CDH7: variants seen among roughly 807,000 people sequenced by gnomAD.
CDH7 encodes the protein cadherin-7.
CDH7 carries 25 observed loss-of-function variants against 71.8 expected under a neutral mutation model. The ratio of observed to expected loss-of-function variants is 0.35; its 90% confidence interval spans 0.25 to 0.49. The LOEUF (loss-of-function observed/expected upper bound fraction) is 0.49. CDH7 is among the 20% of genes least tolerant of loss of function. The pLI is 0.99. For synonymous variants in CDH7, 381 were observed against 363.8 expected, an observed-to-expected ratio of 1.05 and a Z score of -0.54; for missense variants, 862 against 974.6, an observed-to-expected ratio of 0.88 and a Z score of 1.54.
At chr18:65,819,900 G>A (rs372202975) in intron 4 of CDH7, among the ~76,000 whole-genome samples, 4 of 150,664 alleles carry the variant, frequency 2.7e-5, no homozygotes, top group African/African-American at 7.3e-5. Flanking sequence ...AGGGTAATTC[G>A]AAGCCTGAAT....
chr18:65,804,543 A>G (rs545207915), intron 2 of CDH7, among the ~76,000 whole-genome samples: 1 of 152,244 alleles, frequency 6.6e-6, no homozygotes, highest in South Asian at 2.1e-4. Context: ...GGTTATATAG[A>G]TGTAAAAAGA....
rs566210376 is a variant in CDH7 at position 65,885,372 on chromosome 18, G to GTTTTTTTTTTTTTTTTTTTTTTTTTTTT, written c.*4501_*4502insTTTTTTTTTTTTTTTTTTTTTTTTTTTT. 2.3e-4 allele frequency: 16 copies of GTTTTTTTTTTTTTTTTTTTTTTTTTTTT among 69,446 alleles called. 5 individuals are homozygous for GTTTTTTTTTTTTTTTTTTTTTTTTTTTT. Among genetic ancestry groups the GTTTTTTTTTTTTTTTTTTTTTTTTTTTT allele is most frequent in the Non-Finnish European group, 3.2e-4 (12 of 37,386 alleles). 4.3% of individuals were successfully genotyped at this position (69,446 alleles called of 1,614,324 possible). A position where few individuals can be genotyped will look rare whatever the true frequency, so the allele number is the denominator to read the frequency against. The stretch of plus-strand genomic sequence containing the variant: ...GTAACTGAAAAGGATGTGTGCCTGT[G>GTTTTTTTTTTTTTTTTTTTTTTTTTTTT]TTTTTTTTTTTTTTTTTTTTTTTGA... On this transcript the variant is annotated 3_prime_UTR_variant, in exon 12 of 12. Coordinates refer to ENST00000397968, the MANE Select transcript of CDH7 (RefSeq NM_004361.5).
intron 11 of CDH7, among the ~76,000 whole-genome samples, chr18:65,867,091 A>G (rs1317619229): frequency 2.1e-5 from 3 of 145,396 alleles, no homozygotes; most frequent in African/African-American, 7.7e-5. Flanking sequence ...GCTGGAGTGC[A>G]GTGGTGCAAT....
chr18:65,779,514 TCA>T (rs1481100267), intron 2 of CDH7, among the ~76,000 whole-genome samples: 3 of 68,608 alleles, frequency 4.4e-5, no homozygotes, highest in Non-Finnish European at 8.3e-5. Flanking sequence ...CCATGTGATC[TCA>T]TTGTTCAATT....
intron 7 of CDH7, among the ~76,000 whole-genome samples, chr18:65,847,713 G>A (rs1912980855): frequency 6.6e-6 from 1 of 151,992 alleles, no homozygotes; most frequent in African/African-American, 2.4e-5. Flanking sequence ...TACAAGTGTA[G>A]TCATCATAGA....
intron 11 of CDH7, among the ~76,000 whole-genome samples, chr18:65,868,133 G>A (rs1161967438): frequency 1.3e-5 from 2 of 152,270 alleles, no homozygotes; most frequent in Admixed American, 1.3e-4. Flanking sequence ...GAACATAATT[G>A]GCATAGCAGC....
intron 2 of CDH7, among the ~76,000 whole-genome samples, chr18:65,764,097 A>G (rs956191445): frequency 6.6e-6 from 1 of 152,090 alleles, no homozygotes; most frequent in Admixed American, 6.6e-5. Context: ...GAATTTATCT[A>G]TAAATCAGTT....
intron 11 of CDH7, among the ~76,000 whole-genome samples, chr18:65,869,763 A>G (rs1441511735): frequency 6.6e-6 from 1 of 152,046 alleles, no homozygotes; most frequent in Non-Finnish European, 1.5e-5. Context: ...TTTTGTCATT[A>G]TTTATATCAG....
chr18:65,793,900 T>C (rs1385145840), intron 2 of CDH7, among the ~76,000 whole-genome samples: 1 of 152,166 alleles, frequency 6.6e-6, no homozygotes, highest in Non-Finnish European at 1.5e-5. Context: ...TTATTTTAGA[T>C]GAGTGCAGAA....
chr18:65,794,078 C>T (rs1263765578), intron 2 of CDH7, among the ~76,000 whole-genome samples: 1 of 152,036 alleles, frequency 6.6e-6, no homozygotes, highest in African/African-American at 2.4e-5. Flanking sequence ...ATAGCACATA[C>T]TATCAATTAT....
At position 65,770,767 on chromosome 18, in the gene CDH7, T is replaced by C. The variant is rs190110198; in HGVS notation, c.210+7715T>C. Among the ~76,000 whole-genome samples, 77 of 152,334 alleles carry C rather than the reference T, an allele frequency of 5.1e-4. No homozygotes were observed. In the East Asian group the frequency reaches 9.6e-3, roughly 19 times the overall value. On this transcript the variant is annotated intron_variant, in intron 2 of 11. Coordinates refer to ENST00000397968, the MANE Select transcript of CDH7 (RefSeq NM_004361.5). ...ATCAGAAGTCTACATTGAATAATTA[T>C]CATTTTTTCAAATCTTAAAATTTTA...
chr18:65,768,584 T>G (rs1916449223), intron 2 of CDH7, among the ~76,000 whole-genome samples: 1 of 152,088 alleles, frequency 6.6e-6, no homozygotes, highest in Admixed American at 6.6e-5. Flanking sequence ...GATGATTGAG[T>G]TTTTTTCTCT....
At chr18:65,823,669 C>T (rs1912020172) in intron 5 of CDH7, among the ~76,000 whole-genome samples, 1 of 151,868 alleles carries the variant, frequency 6.6e-6, no homozygotes, top group African/African-American at 2.4e-5. Context: ...AGTAACTATT[C>T]ACAAAGTCTA....
At chr18:65,816,259 G>A (rs987756557) in intron 4 of CDH7, among the ~76,000 whole-genome samples, 2 of 152,014 alleles carry the variant, frequency 1.3e-5, no homozygotes, top group African/African-American at 4.8e-5. Flanking sequence ...TGAATGCAGA[G>A]ACATTCTGAG....
chr18:65,862,929 T>TTCCAGGGCTTGCTCTGAAAGAGCTG lies in CDH7; in HGVS notation c.1864+15_1864+39dup. The TTCCAGGGCTTGCTCTGAAAGAGCTG allele has an allele frequency of 2.5e-6, 4 of 1,611,428 alleles. No individual in the cohort carries two copies. Among genetic ancestry groups the TTCCAGGGCTTGCTCTGAAAGAGCTG allele is most frequent in the Non-Finnish European group, 3.4e-6 (4 of 1,178,250 alleles). On this transcript the variant is annotated intron_variant, in intron 11 of 11. Transcript: ENST00000397968. ...CTTGACATTATTGGGTAGGTACTGT[T>TTCCAGGGCTTGCTCTGAAAGAGCTG]TCCAGGGCTTGCTCTGAAAGAGCTG...
chr18:65,808,223 A>T (rs942122215), intron 2 of CDH7, among the ~76,000 whole-genome samples: 29 of 152,190 alleles, frequency 1.9e-4, no homozygotes, highest in African/African-American at 5.1e-4. Flanking sequence ...TTTTGTTTTT[A>T]AAAAAAGAAT....
At chr18:65,830,538 CTCCCTTCCTTCCTTCT>C (rs2143957814) in intron 6 of CDH7, among the ~76,000 whole-genome samples, 1 of 149,322 alleles carries the variant, frequency 6.7e-6, no homozygotes, top group South Asian at 2.1e-4. Flanking sequence ...TCCTTTCTTC[CTCCCTTCCTTCCTTCT>C]TTCCTTCCTC....
Position 65,858,973 on chromosome 18 carries a change from A to T in CDH7, c.1421A>T (p.Asp474Val). The change falls in exon 9 of 12, where the codon GAC becomes GTC. Residue 474 changes from aspartate to valine, a missense_variant. Physicochemically the swap from Asp to Val is radical, Grantham distance 152. Coordinates refer to ENST00000397968, the MANE Select transcript of CDH7 (RefSeq NM_004361.5). ...GGCTATGTGGCCATCACTATACTTG[A>T]CATCAATGATAACGCCCCTGAATTT... ...GRGYVAITIL[D>V]INDNAPEFAM... The T allele has an allele frequency of 6.2e-7, 1 of 1,612,464 alleles. No individual in the cohort carries two copies. Among genetic ancestry groups the T allele is most frequent in the Non-Finnish European group, 8.5e-7 (1 of 1,178,554 alleles).
intron 8 of CDH7, among the ~76,000 whole-genome samples, chr18:65,858,676 A>G (rs892201837): frequency 3.3e-5 from 5 of 152,088 alleles, no homozygotes; most frequent in Non-Finnish European, 4.4e-5. Flanking sequence ...TTGGATATAC[A>G]TAAGTATGTA....
Sources: gnomAD v4.1 joint callset for allele counts (sites outside exome capture counted in the v4.1 genomes callset) on GRCh38, gnomAD v4.1.1 for gene constraint, MANE v1.5 for transcripts, NCBI Gene and HGNC (gene_info 2026-07-23, HGNC 2026-07-21) for gene names.